MTSS2: variants seen among roughly 807,000 people sequenced by gnomAD.
MTSS2 encodes the protein MTSS I-BAR domain containing 2.
A neutral mutation model predicts 67.1 loss-of-function variants in MTSS2; 27 were observed. The observed-to-expected ratio is 0.40, with a 90% confidence interval of 0.30 to 0.55. The LOEUF (loss-of-function observed/expected upper bound fraction) is 0.55. MTSS2 is among the 20% of genes least tolerant of loss of function. MTSS2 has a pLI of 0.43. For synonymous variants in MTSS2, 624 were observed against 468.6 expected, an observed-to-expected ratio of 1.33 and a Z score of -4.28; for missense variants, 1,171 against 1,067.8, an observed-to-expected ratio of 1.10 and a Z score of -1.35.
chr16:70,682,802 C>T lies in MTSS2; in HGVS notation c.70-1777G>A, dbSNP rs1418853962. Among the ~76,000 whole-genome samples the T allele has an allele frequency of 2.0e-5, 3 of 152,180 alleles. No individual in the cohort carries two copies. In the East Asian group the frequency reaches 5.8e-4, roughly 29 times the overall value. ...GCCAGTGCCCCAGGAACAGCATCCT[C>T]AGCCTTCACCTGGGACAGGCCCAGG... is the stretch of plus-strand genomic sequence containing the variant. On this transcript the variant is annotated intron_variant, in intron 1 of 14. Transcript: ENST00000338779.
At chr16:70,677,652 G>A (rs2053163610) in intron 9 of MTSS2, 140 bp downstream of exon 9, 7 of 649,784 alleles carry the variant, frequency 1.1e-5, no homozygotes, top group African/African-American at 1.8e-5. Context: ...CCTGCAGTGG[G>A]TGTCAGAAGG....
At position 70,662,834 on chromosome 16, in the gene MTSS2, G is replaced by C. The variant is rs571368590; in HGVS notation, c.*843C>G. ...GGTGGCTAAAACTGTGACCCCCAAA[G>C]TTAAAAGATTGATGTACCCAATGAG... On this transcript the variant is annotated 3_prime_UTR_variant, in exon 15 of 15. Coordinates refer to ENST00000338779, the MANE Select transcript of MTSS2 (RefSeq NM_138383.3). 2 of 152,570 alleles carry C rather than the reference G, an allele frequency of 1.3e-5. No homozygotes were observed. The highest frequency in any genetic ancestry group is 4.8e-5 in the African/African-American group (2 of 41,584). The allele number at this position is 152,570 out of a possible 1,614,324, so 9.5% of individuals were successfully genotyped here. A position where few individuals can be genotyped will look rare whatever the true frequency, so the allele number is the denominator to read the frequency against.
Position 70,664,711 on chromosome 16 carries a change from C to A in MTSS2, c.1358G>T (p.Arg453Leu). Reference sequence around the variant, plus strand: ...CTTCTGGTGCTCCAGGCTCAGGCCCCGCGTCAGCACCATGGCCAGGTCACT... The same window carrying A: ...CTTCTGGTGCTCCAGGCTCAGGCCCAGCGTCAGCACCATGGCCAGGTCACT... The part of the protein sequence containing the change: ...AASDLAMVLT[R>L]GLSLEHQKSS... The change falls in exon 14 of 15, where the codon CGG (arginine) becomes CTG (leucine). Residue 453 changes from arginine to leucine, a missense_variant. Physicochemically the swap from Arg to Leu is moderately radical, Grantham distance 102 (BLOSUM62 -2). This residue lies in a region of MTSS2 where 924 missense variants were observed against 756.0 expected (regional missense o/e 1.22). Transcript: ENST00000338779. The A allele has an allele frequency of 1.2e-6, 2 of 1,613,096 alleles. No individual in the cohort carries two copies. Among genetic ancestry groups the A allele is most frequent in the Middle Eastern group, 1.7e-4 (1 of 5,884 alleles).
intron 11 of MTSS2, 33 bp from the exon 12 acceptor site, chr16:70,665,573 CAG>C (rs1045631093): frequency 4.6e-6 from 7 of 1,531,884 alleles, no homozygotes; most frequent in South Asian, 1.2e-5. Flanking sequence ...CGGTTGCAGA[CAG>C]AGGGGCCGGC....
chr16:70,671,126 A>C (rs1282491619), intron 11 of MTSS2, among the ~76,000 whole-genome samples: 1 of 152,114 alleles, frequency 6.6e-6, no homozygotes, highest in Non-Finnish European at 1.5e-5. Context: ...TCAATAAAAA[A>C]GTTCCTTGGG....
At chr16:70,672,587 A>C (rs903251475) in intron 11 of MTSS2, among the ~76,000 whole-genome samples, 4 of 151,356 alleles carry the variant, frequency 2.6e-5, no homozygotes, top group Admixed American at 1.3e-4. Flanking sequence ...AACTCTACAT[A>C]TTTTACAACT....
chr16:70,661,650 T>C lies in MTSS2; in HGVS notation c.*2027A>G, dbSNP rs1597788911. On this transcript the variant is annotated 3_prime_UTR_variant, in exon 15 of 15. Coordinates refer to ENST00000338779, the MANE Select transcript of MTSS2 (RefSeq NM_138383.3). Reference sequence around the variant, plus strand: ...GTCGACGCAAGGGCGGCGGGGGTGGTCTCAGGGATGGACAAGGGGATGGAG... The same window carrying C: ...GTCGACGCAAGGGCGGCGGGGGTGGCCTCAGGGATGGACAAGGGGATGGAG... The C allele has an allele frequency of 3.0e-6, 1 of 334,266 alleles. No homozygotes were observed. The highest frequency in any genetic ancestry group is 2.4e-5 in the South Asian group (1 of 42,472). The allele number at this position is 334,266 out of a possible 1,614,324, so 20.7% of individuals were successfully genotyped here.
chr16:70,680,636 G>T (rs1169359554), intron 3 of MTSS2, among the ~76,000 whole-genome samples, 158 bp downstream of exon 3: 3 of 152,060 alleles, frequency 2.0e-5, no homozygotes, highest in African/African-American at 7.2e-5. Flanking sequence ...GTGACGAGGG[G>T]CTCACTCTCT....
At position 70,664,933 on chromosome 16, in the gene MTSS2, G is replaced by C; in HGVS notation, c.1292C>G (p.Thr431Ser). The C allele has an allele frequency of 6.4e-7, 1 of 1,553,218 alleles. No homozygotes were observed. Among genetic ancestry groups the C allele is most frequent in the South Asian group, 1.2e-5 (1 of 85,000 alleles). ...TGGCCAGCCTACCTTGGCTGCGATG[G>C]TGGCAGGGGACATCCGGGGTCGCGG... is the stretch of plus-strand genomic sequence containing the variant. ...EAPRPRMSPATIAAKHGEEVS... is the reference protein window; with the variant it reads ...EAPRPRMSPASIAAKHGEEVS... Residue 431 changes from threonine (T) to serine (S), a missense_variant, in exon 13 of 15, where the codon ACC (threonine) becomes AGC (serine). Physicochemically the swap from Thr to Ser is moderately conservative, Grantham distance 58 (BLOSUM62 1). Coordinates refer to ENST00000338779, the MANE Select transcript of MTSS2 (RefSeq NM_138383.3).
At chr16:70,667,949 A>T (rs933845628) in intron 11 of MTSS2, among the ~76,000 whole-genome samples, 9 of 151,324 alleles carry the variant, frequency 5.9e-5, no homozygotes, top group Non-Finnish European at 1.3e-4. Flanking sequence ...ACAGAGGGAT[A>T]TCTGCAATTC....
intron 7 of MTSS2, 134 bp downstream of exon 7, chr16:70,679,181 T>C (rs1444328050): frequency 8.8e-7 from 1 of 1,141,872 alleles, no homozygotes; most frequent in African/African-American, 1.5e-5. Context: ...CCCAGGCCCC[T>C]CCCTCGTGGA....
chr16:70,678,110 A>G lies in MTSS2; in HGVS notation c.624+142T>C, dbSNP rs2053179276. 2.5e-6 allele frequency: 3 copies of G among 1,178,434 alleles called. No homozygotes were observed. The African/African-American group carries it at 4.6e-5, about 18-fold the overall frequency. The allele number at this position is 1,178,434 out of a possible 1,614,324, so 73.0% of individuals were successfully genotyped here. ...AGACCAAATCAGTGCATGGTGAGCT[A>G]TGAGACCTGCCTTTGGGCCAGGAGC... On this transcript the variant is annotated intron_variant, in intron 8 of 14. Coordinates refer to ENST00000338779, the MANE Select transcript of MTSS2 (RefSeq NM_138383.3).
chr16:70,664,248 G>T lies in MTSS2; in HGVS notation c.1673C>A (p.Pro558His), dbSNP rs754021599. 3 of 1,563,936 alleles carry T rather than the reference G, an allele frequency of 1.9e-6. No homozygotes were observed. The Admixed American group carries it at 5.5e-5, about 29-fold the overall frequency. Residue 558 changes from proline (P) to histidine (H), a missense_variant, in exon 15 of 15, where the codon CCC (proline) becomes CAC (histidine). This residue lies in a region of MTSS2 where 924 missense variants were observed against 756.0 expected (regional missense o/e 1.22). Coordinates refer to ENST00000338779, the MANE Select transcript of MTSS2 (RefSeq NM_138383.3). ...GCGGCGGATGGTGGCCACGCCGGGG[G>T]GTGCGCCCGAGGGCAGGCCAGTGGC... is the stretch of plus-strand genomic sequence containing the variant. ...PTATGLPSGA[P>H]PGVATIRRTP...
chr16:70,664,308 G>A lies in MTSS2; in HGVS notation c.1613C>T (p.Ser538Phe). ...CCCCGCGGTGGGCAGCCCAGCAGTG[G>A]AGGCTGGGCGCTTGGTCTGGATCAG... ...RRLIQTKRPA[S>F]TAGLPTAGLP... is the part of the protein sequence containing the mutation. The change falls in exon 15 of 15, where the codon TCC becomes TTC. Residue 538 changes from serine (S) to phenylalanine (F), a missense_variant. By Grantham distance (155) the Ser-to-Phe change is radical. This residue lies in a region of MTSS2 where 924 missense variants were observed against 756.0 expected (regional missense o/e 1.22). Transcript: ENST00000338779. 1 of 1,587,400 alleles carries A rather than the reference G, an allele frequency of 6.3e-7. No individual in the cohort carries two copies. Among genetic ancestry groups the A allele is most frequent in the Non-Finnish European group, 8.5e-7 (1 of 1,170,494 alleles).
chr16:70,663,790 G>T lies in MTSS2; in HGVS notation c.2131C>A (p.Pro711Thr), dbSNP rs1185620747. The T allele has an allele frequency of 6.6e-7, 1 of 1,520,980 alleles. No individual in the cohort carries two copies. The highest frequency in any genetic ancestry group is 8.8e-7 in the Non-Finnish European group (1 of 1,135,778). The allele number at this position is 1,520,980 out of a possible 1,614,324, so 94.2% of individuals were successfully genotyped here. A position where few individuals can be genotyped will look rare whatever the true frequency, so the allele number is the denominator to read the frequency against. Reference sequence around the variant, plus strand: ...GGGGGGTCGCTGGTGGCGGCTGGGGGTGGGGTGGGCGTCTCCTCCGTGGGG... The same window carrying T: ...GGGGGGTCGCTGGTGGCGGCTGGGGTTGGGGTGGGCGTCTCCTCCGTGGGG... ...ATPTEETPTP[P>T]PAATSDPPAE... Residue 711 changes from proline to threonine, a missense_variant, in exon 15 of 15, where the codon CCC (proline) becomes ACC (threonine). Around this residue, in one of 2 missense-constraint regions of MTSS2, gnomAD observed 924 missense variants for 756.0 expected, o/e 1.22. Transcript: ENST00000338779.
At chr16:70,679,442 A>G in intron 6 of MTSS2, 119 bp from the exon 7 acceptor site, 1 of 1,329,094 alleles carries the variant, frequency 7.5e-7, no homozygotes, top group Non-Finnish European at 1.1e-6. Flanking sequence ...GCTGCCTCCC[A>G]TAGGGAGGTT....
At chr16:70,669,227 G>C (rs1344674746) in intron 11 of MTSS2, among the ~76,000 whole-genome samples, 3 of 151,946 alleles carry the variant, frequency 2.0e-5, no homozygotes, top group African/African-American at 7.3e-5. Flanking sequence ...ACAATAAAAA[G>C]GTACCCAATA....
Position 70,685,739 on chromosome 16 carries a change from A to G in MTSS2, c.53T>C (p.Ile18Thr), listed in dbSNP as rs1038336798. 2 of 1,346,026 alleles carry G rather than the reference A, an allele frequency of 1.5e-6. No individual in the cohort carries two copies. The highest frequency in any genetic ancestry group is 3.1e-5 in the African/African-American group (2 of 64,740). The allele number at this position is 1,346,026 out of a possible 1,614,324, so 83.4% of individuals were successfully genotyped here. A position where few individuals can be genotyped will look rare whatever the true frequency, so the allele number is the denominator to read the frequency against. Reference sequence around the variant, plus strand: ...CCCGGTTACCTTCATGTCGTTGACTATGGCCTGGAAGAGCCCGCCCAGGGC... The same window carrying G: ...CCCGGTTACCTTCATGTCGTTGACTGTGGCCTGGAAGAGCCCGCCCAGGGC... Reference protein sequence around the residue: ...CGALGGLFQAIVNDMKSSYPI... With the variant: ...CGALGGLFQATVNDMKSSYPI... The change falls in exon 1 of 15, where the codon ATA becomes ACA. Residue 18 changes from isoleucine (I) to threonine (T), a missense_variant. By Grantham distance (89) the Ile-to-Thr change is moderately conservative (BLOSUM62 -1). This residue lies in a region of MTSS2 where 247 missense variants were observed against 311.8 expected (regional missense o/e 0.79). Transcript: ENST00000338779.
Position 70,665,082 on chromosome 16 carries a change from G to T in MTSS2, c.1143C>A (p.Val381=), listed in dbSNP as rs1267207596. 3.1e-6 allele frequency: 5 copies of T among 1,596,496 alleles called. No homozygotes were observed. Among genetic ancestry groups the T allele is most frequent in the Non-Finnish European group, 4.2e-6 (5 of 1,179,214 alleles). ...CSSPTSDWSK[V]GSHEQPSGAT... is the part of the protein sequence containing the mutation. ...CGCCTGAGGGCTGCTCATGGGAGCCGACCTTGGACCAGTCCTGCAGGGAGG... is the reference window on the plus strand; with the variant it reads ...CGCCTGAGGGCTGCTCATGGGAGCCTACCTTGGACCAGTCCTGCAGGGAGG... The change falls in exon 13 of 15, where the codon GTC becomes GTA. Residue 381 remains valine (V), a synonymous_variant. Coordinates refer to ENST00000338779, the MANE Select transcript of MTSS2 (RefSeq NM_138383.3).
Sources: gnomAD v4.1 joint callset for allele counts (sites outside exome capture counted in the v4.1 genomes callset) on GRCh38, gnomAD v4.1.1 for gene constraint, gnomAD v4.1.1 regional missense constraint, MANE v1.5 for transcripts, NCBI Gene and HGNC (gene_info 2026-07-23, HGNC 2026-07-21) for gene names.